Variants in ZNF618 observed in about 807,000 individuals in gnomAD.
ZNF618 encodes zinc finger protein 618, also known as neural precursor cell expressed, developmentally down-regulated 10.
A neutral mutation model predicts 103.0 loss-of-function variants in ZNF618; 34 were observed. The ratio of observed to expected loss-of-function variants is 0.33; its 90% confidence interval spans 0.25 to 0.44. ZNF618 has a LOEUF of 0.44. Among genes scored for constraint, ZNF618 ranks in the 20% least tolerant of loss-of-function variants. The probability of loss-of-function intolerance (pLI) is 1.00; values close to 1 mark genes in which losing one functional copy is unlikely to be tolerated. For missense variants in ZNF618, 1,059 were observed against 1,295.4 expected (o/e 0.82, Z 2.80); for synonymous variants, 551 against 542.2 (o/e 1.02, Z -0.23).
chr9:113,944,615 T>A (rs767521066), intron 1 of ZNF618, among the ~76,000 whole-genome samples: 11 of 152,216 alleles, frequency 7.2e-5, no homozygotes, highest in Non-Finnish European at 1.3e-4. Context: ...CAGAGTTATC[T>A]AATAGAAATG....
rs1183876947 is a variant in ZNF618, at chr9:113,998,265, A to AAGCGCCCGAAGGC, written c.348_360dup (p.Pro121AlafsTer21). The AAGCGCCCGAAGGC allele has an allele frequency of 6.4e-7, 1 of 1,550,450 alleles. No homozygotes were observed. The highest frequency in any genetic ancestry group is 8.7e-7 in the Non-Finnish European group (1 of 1,146,996). ...GATTTCTTACGTAATTCAGATGGAA[A>AAGCGCCCGAAGGC]AGCGCCCGAAGGCAGCCCCCACGGT... On this transcript the variant is annotated frameshift_variant, in exon 4 of 15. Transcript: ENST00000374126. LOFTEE classifies it high-confidence loss of function.
chr9:114,005,567 C>T (rs11788667), intron 6 of ZNF618, among the ~76,000 whole-genome samples: 46,531 of 151,950 alleles, frequency 0.31, 8,295 homozygotes, highest in East Asian at 0.61. Context: ...GGGCAGGTGG[C>T]GGCAGATGGC....
chr9:113,990,282 G>A (rs1324442305), intron 3 of ZNF618, among the ~76,000 whole-genome samples: 2 of 152,134 alleles, frequency 1.3e-5, no homozygotes, highest in Non-Finnish European at 1.5e-5. Context: ...GAGGGGCCCT[G>A]TCTGTGCCTG....
chr9:113,970,902 C>T (rs535698785), intron 2 of ZNF618, among the ~76,000 whole-genome samples: 1 of 147,674 alleles, frequency 6.8e-6, no homozygotes, highest in African/African-American at 2.5e-5. Flanking sequence ...TTGTTCACTG[C>T]TGTGGGCCTG....
intron 1 of ZNF618, among the ~76,000 whole-genome samples, chr9:113,935,759 C>T (rs1205367612): frequency 6.6e-6 from 1 of 152,156 alleles, no homozygotes; most frequent in Non-Finnish European, 1.5e-5. Flanking sequence ...AAGTCTCTCC[C>T]TGCACCCTGC....
intron 1 of ZNF618, among the ~76,000 whole-genome samples, chr9:113,913,018 T>C (rs1831700430): frequency 6.6e-6 from 1 of 152,092 alleles, no homozygotes; most frequent in East Asian, 1.9e-4. Context: ...AGCAAGTTCA[T>C]CTGGACAGTT....
At chr9:113,919,633 G>A (rs111434253) in intron 1 of ZNF618, among the ~76,000 whole-genome samples, 136 of 152,298 alleles carry the variant, frequency 8.9e-4, no homozygotes, top group Admixed American at 3.2e-3. Flanking sequence ...CTCCAACGGC[G>A]GGGCCAGCCC....
intron 2 of ZNF618, among the ~76,000 whole-genome samples, chr9:113,974,750 G>C (rs983335329): frequency 6.6e-6 from 1 of 152,042 alleles, no homozygotes; most frequent in Non-Finnish European, 1.5e-5. Flanking sequence ...TGCACCCCCT[G>C]CCTGGTCTGT....
intron 1 of ZNF618, among the ~76,000 whole-genome samples, chr9:113,920,677 C>T (rs62559175): frequency 1.3e-5 from 2 of 152,182 alleles, no homozygotes; most frequent in African/African-American, 4.8e-5. Context: ...GTTGAGATTA[C>T]AGGCATGAGC....
chr9:113,968,075 AT>A (rs1837585349), intron 1 of ZNF618, among the ~76,000 whole-genome samples: 1 of 152,358 alleles, frequency 6.6e-6, no homozygotes, highest in South Asian at 2.1e-4. Flanking sequence ...CAATCCTGAA[AT>A]TCAAAAAAAC....
chr9:114,016,142 A>C (rs748898170), intron 9 of ZNF618: 1 of 1,613,618 alleles, frequency 6.2e-7, no homozygotes, highest in Non-Finnish European at 8.5e-7. Flanking sequence ...CATTTTTAAG[A>C]AGAAAGAAGT....
At chr9:114,043,393 T>G (rs994995719) in intron 13 of ZNF618, among the ~76,000 whole-genome samples, 1 of 152,232 alleles carries the variant, frequency 6.6e-6, no homozygotes, top group African/African-American at 2.4e-5. Flanking sequence ...TCTACACCTT[T>G]TATCATCTTC....
intron 1 of ZNF618, among the ~76,000 whole-genome samples, chr9:113,887,477 A>G (rs1829187648): frequency 1.3e-5 from 2 of 152,154 alleles, no homozygotes; most frequent in African/African-American, 4.8e-5. Context: ...GAACTGGGGT[A>G]TTTTTGGATC....
chr9:114,034,125 C>T (rs1427707341), intron 12 of ZNF618, among the ~76,000 whole-genome samples: 1 of 152,180 alleles, frequency 6.6e-6, no homozygotes. Context: ...ATTACATACT[C>T]AGGTGTTAGG....
chr9:113,944,045 A>T (rs972935589), intron 1 of ZNF618, among the ~76,000 whole-genome samples: 1 of 152,202 alleles, frequency 6.6e-6, no homozygotes, highest in Non-Finnish European at 1.5e-5. Flanking sequence ...ATTGCCTCTT[A>T]CAACTATTAG....
intron 2 of ZNF618, among the ~76,000 whole-genome samples, chr9:113,970,047 A>G (rs1192243947): frequency 1.3e-5 from 2 of 152,146 alleles, no homozygotes; most frequent in Non-Finnish European, 2.9e-5. Flanking sequence ...TGTGTGAGGA[A>G]AAAAAGGTTC....
In ZNF618 at chr9:114,053,473, A is replaced by T. The variant is rs1387228592; in HGVS notation, c.*3306A>T. 6.6e-6 allele frequency: 1 copy of T among 152,252 alleles called. No homozygotes were observed. The highest frequency in any genetic ancestry group is 2.4e-5 in the African/African-American group (1 of 41,446). The allele number at this position is 152,252 out of a possible 1,614,324, so 9.4% of individuals were successfully genotyped here. A position where few individuals can be genotyped will look rare whatever the true frequency, so the allele number is the denominator to read the frequency against. ...ATGTGGAGACTACTCACCTTGAGCC[A>T]TGTGGTCCCCAGGACAGAAATGGCC... is the stretch of plus-strand genomic sequence containing the variant. On this transcript the variant is annotated 3_prime_UTR_variant, in exon 15 of 15. Coordinates refer to ENST00000374126, the MANE Select transcript of ZNF618 (RefSeq NM_001318042.2).
intron 3 of ZNF618, among the ~76,000 whole-genome samples, chr9:113,992,451 G>A (rs1840163661): frequency 6.6e-6 from 1 of 152,102 alleles, no homozygotes; most frequent in Non-Finnish European, 1.5e-5. Context: ...GTGGGGTGCT[G>A]GTTAGAGCTT....
intron 10 of ZNF618, chr9:114,027,828 G>A (rs12380714): frequency 0.064 from 9,773 of 152,476 alleles, 348 homozygotes; most frequent in Middle Eastern, 0.099. Context: ...ATTCTCGGGG[G>A]TTCTGTGAGC....
Sources: gnomAD v4.1 joint callset for allele counts (sites outside exome capture counted in the v4.1 genomes callset) on GRCh38, gnomAD v4.1.1 for gene constraint, MANE v1.5 for transcripts, NCBI Gene and HGNC (gene_info 2026-07-23, HGNC 2026-07-21) for gene names.